The following PIPOX variants were observed in gnomAD, a reference collection of about 807,000 sequenced individuals.
The protein encoded by PIPOX is pipecolic acid and sarcosine oxidase, also known as peroxisomal sarcosine oxidase.
PIPOX carries 45 observed loss-of-function variants against 47.9 expected under a neutral mutation model. The ratio of observed to expected loss-of-function variants is 0.94; its 90% CI spans 0.74 to 1.20. The LOEUF (loss-of-function observed/expected upper bound fraction) is 1.20, where lower values mean the gene tolerates loss of function less well. PIPOX is among the 50% of genes most tolerant of loss of function. The pLI, the probability that PIPOX is intolerant of heterozygous loss-of-function variation, is 0.00. For missense variants in PIPOX, 458 were observed against 498.4 expected, an observed-to-expected ratio of 0.92 and a Z score of 0.77; for synonymous variants, 165 against 191.3, an observed-to-expected ratio of 0.86 and a Z score of 1.13.
Position 29,056,742 on chromosome 17 carries a change from G to A in PIPOX, c.*437G>A, listed in dbSNP as rs1367612546. On this transcript the variant is annotated 3_prime_UTR_variant, in exon 8 of 8. Coordinates refer to ENST00000323372, the MANE Select transcript of PIPOX (RefSeq NM_016518.3). Reference sequence around the variant, plus strand: ...CTCACACCTGTAATCTCGGCACTTTGGGGGGCTGAGACAGGCGGATCACCT... The same window carrying A: ...CTCACACCTGTAATCTCGGCACTTTAGGGGGCTGAGACAGGCGGATCACCT... 6.1e-6 allele frequency: 1 copy of A among 165,096 alleles called. No homozygotes were observed. Among genetic ancestry groups the A allele is most frequent in the Non-Finnish European group, 1.3e-5 (1 of 76,360 alleles). The allele number at this position is 165,096 out of a possible 1,614,324, so 10.2% of individuals were successfully genotyped here.
chr17:29,051,418 A>C (rs1598238351), intron 2 of PIPOX, among the ~76,000 whole-genome samples: 1 of 152,060 alleles, frequency 6.6e-6, no homozygotes, highest in African/African-American at 2.4e-5. Context: ...CCCCCCAACC[A>C]GATAATGTGG....
chr17:29,052,827 C>G, intron 2 of PIPOX, 93 bp from the exon 3 acceptor site: 4 of 1,049,496 alleles, frequency 3.8e-6, no homozygotes, highest in Non-Finnish European at 5.8e-6. Flanking sequence ...CCTGCCTCAG[C>G]CTCCTGAAGT....
At chr17:29,049,179 T>C (rs1387544713) in intron 2 of PIPOX, among the ~76,000 whole-genome samples, 1 of 152,226 alleles carries the variant, frequency 6.6e-6, no homozygotes, top group Non-Finnish European at 1.5e-5. Flanking sequence ...GAGGAAGGAA[T>C]AGTTCATACT....
At chr17:29,053,697 C>G (rs528700863) in intron 4 of PIPOX, 102 bp downstream of exon 4, 1 of 796,260 alleles carries the variant, frequency 1.3e-6, no homozygotes, top group East Asian at 2.7e-5. Context: ...AGTGGACAAC[C>G]TTGGGCACAT....
Position 29,055,209 on chromosome 17 carries a change from C to T in PIPOX, c.954C>T (p.Ser318=), listed in dbSNP as rs1273036077. The change falls in exon 6 of 8, where the codon AGC becomes AGT. Residue 318 remains serine, a synonymous_variant. Coordinates refer to ENST00000323372, the MANE Select transcript of PIPOX (RefSeq NM_016518.3). ...AGCCCGAGCCTGCTGTCATTGAGAG[C>T]TGCATGTACACGGTAAGGGGTCTGG... ...DLKPEPAVIE[S]CMYTNTPDEQ... 21 of 1,614,078 alleles carry T rather than the reference C, an allele frequency of 1.3e-5. No individual in the cohort carries two copies. Among genetic ancestry groups the T allele is most frequent in the Non-Finnish European group, 3.4e-6 (4 of 1,180,044 alleles).
intron 2 of PIPOX, among the ~76,000 whole-genome samples, chr17:29,045,645 A>G (rs971878938): frequency 6.6e-6 from 1 of 151,892 alleles, no homozygotes; most frequent in Non-Finnish European, 1.5e-5. Flanking sequence ...TCTCGACCTC[A>G]TGATCTGCCC....
rs1225071461 is a variant in PIPOX at position 29,052,050 on chromosome 17, A to G, written c.264-870A>G. 6.4e-6 allele frequency: 3 copies of G among 470,986 alleles called. No homozygotes were observed. In the Admixed American group the frequency reaches 7.0e-5, roughly 11 times the overall value. The allele number at this position is 470,986 out of a possible 1,614,324, so 29.2% of individuals were successfully genotyped here. A position where few individuals can be genotyped will look rare whatever the true frequency, so the allele number is the denominator to read the frequency against. ...TCAAGGTCATGGGCAAGGTGAAGCC[A>G]GGACTAGAGACAGAGCCAGATCTCT... On this transcript the variant is annotated intron_variant, in intron 2 of 7. Coordinates refer to ENST00000323372, the MANE Select transcript of PIPOX (RefSeq NM_016518.3).
intron 2 of PIPOX, chr17:29,051,901 G>A: frequency 2.1e-6 from 1 of 468,748 alleles, no homozygotes; most frequent in Non-Finnish European, 4.4e-6. Flanking sequence ...AATGGATCAT[G>A]CCATTTTCAG....
chr17:29,055,120 C>T lies in PIPOX; in HGVS notation c.865C>T (p.Arg289Cys), dbSNP rs371847198. ...DPEERDCPTA[R>C]TDIGDVQILS... ...TGAGGAGCGGGACTGCCCCACAGCACGCACAGACATCGGAGACGTCCAGAT... is the reference window on the plus strand; with the variant it reads ...TGAGGAGCGGGACTGCCCCACAGCATGCACAGACATCGGAGACGTCCAGAT... The change falls in exon 6 of 8, where the codon CGC (arginine) becomes TGC (cysteine). Residue 289 changes from arginine (R) to cysteine (C), a missense_variant. By Grantham distance (180) the Arg-to-Cys change is radical (BLOSUM62 -3). Transcript: ENST00000323372. The T allele has an allele frequency of 1.2e-5, 19 of 1,613,992 alleles. No individual in the cohort carries two copies. The highest frequency in any genetic ancestry group is 8.0e-5 in the African/African-American group (6 of 74,884).
chr17:29,048,343 T>TA (rs959071878), intron 2 of PIPOX, among the ~76,000 whole-genome samples: 9 of 151,752 alleles, frequency 5.9e-5, no homozygotes, highest in African/African-American at 1.9e-4. Context: ...TGATGATGAT[T>TA]AAAAAAAAAC....
chr17:29,044,802 G>A, intron 1 of PIPOX, 57 bp from the exon 2 acceptor site: 2 of 1,540,606 alleles, frequency 1.3e-6, no homozygotes. Flanking sequence ...GCTCTTAACA[G>A]GGGATGCAGT....
chr17:29,054,507 G>A, intron 4 of PIPOX, 38 bp from the exon 5 acceptor site: 1 of 1,610,766 alleles, frequency 6.2e-7, no homozygotes, highest in Non-Finnish European at 8.5e-7. Context: ...GAGTTCCATG[G>A]CTTTTCTTCA....
At chr17:29,050,196 T>C (rs1339103569) in intron 2 of PIPOX, among the ~76,000 whole-genome samples, 1 of 151,862 alleles carries the variant, frequency 6.6e-6, no homozygotes, top group East Asian at 1.9e-4. Flanking sequence ...AATCTCAGAG[T>C]ATATGAGAGG....
chr17:29,050,013 G>T (rs1447872271), intron 2 of PIPOX, among the ~76,000 whole-genome samples: 2 of 152,212 alleles, frequency 1.3e-5, no homozygotes, highest in Admixed American at 1.3e-4. Context: ...ACCACAGGAT[G>T]GCTTGGGAAT....
intron 4 of PIPOX, 91 bp from the exon 5 acceptor site, chr17:29,054,454 T>TA: frequency 7.0e-7 from 1 of 1,429,654 alleles, no homozygotes; most frequent in South Asian, 1.2e-5. Flanking sequence ...AGGCTTGTGT[T>TA]AGAGGGCCGC....
rs1053858294 is a variant in PIPOX at position 29,056,640 on chromosome 17, G to T, written c.*335G>T. ...ACGTTTGAGATGGGTATATCAGTAA[G>T]AAGAGGGCACAAGAACTGGCTCTGG... On this transcript the variant is annotated 3_prime_UTR_variant, in exon 8 of 8. Transcript: ENST00000323372. The T allele has an allele frequency of 1.0e-5, 3 of 296,628 alleles. No individual in the cohort carries two copies. The highest frequency in any genetic ancestry group is 1.4e-4 in the East Asian group (2 of 14,028). 18.4% of individuals were successfully genotyped at this position (296,628 alleles called of 1,614,324 possible).
chr17:29,048,981 C>T (rs544815489), intron 2 of PIPOX, among the ~76,000 whole-genome samples: 4 of 152,230 alleles, frequency 2.6e-5, no homozygotes, highest in East Asian at 1.9e-4. Context: ...CAGGGAGAGC[C>T]GTCTCCTCTC....
intron 2 of PIPOX, chr17:29,046,844 T>TCAG: frequency 1.3e-6 from 1 of 774,430 alleles, no homozygotes; most frequent in Non-Finnish European, 1.6e-6. Flanking sequence ...CTGTTGAACC[T>TCAG]CTGGTGAGAC....
chr17:29,053,407 TTTCAGGATGCAA>T lies in PIPOX; in HGVS notation c.478-2_487del, dbSNP rs1405413073. The T allele has an allele frequency of 6.2e-7, 1 of 1,606,608 alleles. No homozygotes were observed. On this transcript the variant is annotated splice_acceptor_variant and splice_polypyrimidine_tract_variant and coding_sequence_variant and intron_variant, in exon 4 of 8. Transcript: ENST00000323372. LOFTEE classifies it high-confidence loss of function. ...AATTCACCTTTCCCTGCTCCTGCCC[TTTCAGGATGCAA>T]TTCGACAGCTAGGAGGCATAGTGCG...
Sources: allele counts gnomAD v4.1 joint callset (sites outside exome capture counted in the v4.1 genomes callset), GRCh38; gene constraint gnomAD v4.1.1; transcripts MANE v1.5; gene names NCBI Gene and HGNC (gene_info 2026-07-23, HGNC 2026-07-21).